ADGRV1: variants seen among roughly 807,000 people sequenced by gnomAD.
ADGRV1 encodes the protein G-protein coupled receptor 98.
Under a neutral mutation model 596.2 loss-of-function variants are expected in ADGRV1, and 359 were observed. The observed-to-expected ratio is 0.60, with a 90% CI of 0.55 to 0.66. ADGRV1 has a LOEUF of 0.66. ADGRV1 is among the 30% of genes least tolerant of loss of function. The pLI is 0.00. For missense variants in ADGRV1, 7,274 were observed against 7,575.6 expected (o/e 0.96, Z 1.48); for synonymous variants, 2,681 against 2,679.2 (o/e 1.00, Z -0.02).
intron 34 of ADGRV1, among the ~76,000 whole-genome samples, chr5:90,701,512 G>C (rs1747902486): frequency 6.6e-6 from 1 of 151,784 alleles, no homozygotes; most frequent in Non-Finnish European, 1.5e-5. Context: ...ATTTTCACTA[G>C]GCTTACAAGA....
At chr5:90,738,779 T>C (rs1383101232) in intron 50 of ADGRV1, among the ~76,000 whole-genome samples, 1 of 152,194 alleles carries the variant, frequency 6.6e-6, no homozygotes, top group Non-Finnish European at 1.5e-5. Context: ...AAACTCTTCA[T>C]TGAGTTGAAT....
chr5:90,873,281 C>T (rs1211456120), intron 83 of ADGRV1, among the ~76,000 whole-genome samples: 2 of 152,204 alleles, frequency 1.3e-5, no homozygotes, highest in Non-Finnish European at 2.9e-5. Flanking sequence ...GGAACATACA[C>T]TCTGTGTTCT....
chr5:90,936,697 A>AC (rs1775723761), intron 83 of ADGRV1, among the ~76,000 whole-genome samples: 1 of 152,090 alleles, frequency 6.6e-6, no homozygotes, highest in South Asian at 2.1e-4. Context: ...GTATCACCGT[A>AC]GCTGCTTTCC....
At chr5:90,674,467 T>G (rs940862989) in intron 23 of ADGRV1, 2 of 341,126 alleles carry the variant, frequency 5.9e-6, no homozygotes, top group Non-Finnish European at 1.0e-5. Flanking sequence ...TTTGCAGGAT[T>G]ATTTAAAATG....
intron 87 of ADGRV1, among the ~76,000 whole-genome samples, chr5:91,131,951 C>T (rs1794253032): frequency 6.6e-6 from 1 of 152,110 alleles, no homozygotes; most frequent in Non-Finnish European, 1.5e-5. Context: ...AATCTTTAAT[C>T]CACTTTGAGT....
chr5:91,090,289 C>T (rs912003203), intron 86 of ADGRV1, among the ~76,000 whole-genome samples: 6 of 152,236 alleles, frequency 3.9e-5, no homozygotes, highest in Admixed American at 1.3e-4. Context: ...ATAGTTTTTG[C>T]GAGGTCTGTG....
Position 90,587,922 on chromosome 5 carries a change from A to ATC in ADGRV1, c.23-26911_23-26910dup, listed in dbSNP as rs1376596884. ...CAAAATGTATAGTTTCAAAATATATATCTACAGTATATAAAACGTGGTTTC... is the reference window on the plus strand; with the variant it reads ...CAAAATGTATAGTTTCAAAATATATATCTCTACAGTATATAAAACGTGGTTTC... On this transcript the variant is annotated intron_variant, in intron 1 of 89. Coordinates refer to ENST00000405460, the MANE Select transcript of ADGRV1 (RefSeq NM_032119.4). Among the ~76,000 whole-genome samples the ATC allele has an allele frequency of 2.6e-5, 4 of 152,328 alleles. No individual in the cohort carries two copies. The East Asian group carries it at 7.7e-4, about 29-fold the overall frequency.
intron 53 of ADGRV1, among the ~76,000 whole-genome samples, chr5:90,752,059 T>C (rs1755323730): frequency 6.6e-6 from 1 of 152,082 alleles, no homozygotes; most frequent in Non-Finnish European, 1.5e-5. Context: ...AAGGGCCAGA[T>C]AGTAAATATT....
intron 20 of ADGRV1, among the ~76,000 whole-genome samples, chr5:90,657,529 A>C (rs914879260): frequency 6.6e-6 from 1 of 152,190 alleles, no homozygotes; most frequent in Non-Finnish European, 1.5e-5. Flanking sequence ...AAAATACCAT[A>C]GAATAAATTT....
chr5:90,647,814 A>G (rs1768015783), intron 17 of ADGRV1, 50 bp downstream of exon 17: 2 of 1,527,980 alleles, frequency 1.3e-6, no homozygotes, highest in Admixed American at 1.7e-5. Context: ...TGCTTTAATA[A>G]GATGAAATTA....
In ADGRV1 at chr5:90,895,104, AT is replaced by A. The variant is rs997096939; in HGVS notation, c.17856+31253del. Among the ~76,000 whole-genome samples, 15 of 148,920 alleles carry A rather than the reference AT, an allele frequency of 1.0e-4. No homozygotes were observed. The South Asian group carries it at 1.3e-3, about 13-fold the overall frequency. On this transcript the variant is annotated intron_variant, in intron 83 of 89. Transcript: ENST00000405460. ...CCACCATGTCTGGCTAATTTTTTTT[AT>A]TTTTTATTTTTGTAGAGATGAGGTC...
At position 91,163,882 on chromosome 5, in the gene ADGRV1, C is replaced by T. The variant is rs776454298; in HGVS notation, c.18903C>T (p.Ile6301=). ...SQIVELRRIP[I]ADTHL is the part of the protein sequence containing the mutation. ...TCGTGGAGCTCAGGAGGATACCCAT[C>T]GCCGACACTCACCTGTAGCACCTCA... The change falls in exon 90 of 90, where the codon ATC becomes ATT. Residue 6301 remains isoleucine (I), a synonymous_variant. Transcript: ENST00000405460. 66 of 1,559,780 alleles carry T rather than the reference C, an allele frequency of 4.2e-5. No individual in the cohort carries two copies. The highest frequency in any genetic ancestry group is 5.5e-5 in the Non-Finnish European group (62 of 1,133,156).
At chr5:90,808,122 A>G (rs922761836) in intron 73 of ADGRV1, among the ~76,000 whole-genome samples, 11 of 152,334 alleles carry the variant, frequency 7.2e-5, no homozygotes, top group Admixed American at 2.6e-4. Flanking sequence ...GGGTGATAAT[A>G]TTACTTATTT....
chr5:91,157,760 A>G (rs967351800), intron 89 of ADGRV1, among the ~76,000 whole-genome samples: 1 of 152,224 alleles, frequency 6.6e-6, no homozygotes, highest in African/African-American at 2.4e-5. Flanking sequence ...GTCAAAAATG[A>G]AAAAGACTCA....
intron 1 of ADGRV1, among the ~76,000 whole-genome samples, chr5:90,579,420 G>A (rs1757680685): frequency 1.3e-5 from 2 of 152,196 alleles, no homozygotes; most frequent in Non-Finnish European, 2.9e-5. Flanking sequence ...GTGGTTTTGA[G>A]TGAGTTTCTT....
chr5:91,091,062 C>A (rs765687980), intron 86 of ADGRV1, among the ~76,000 whole-genome samples: 1 of 152,160 alleles, frequency 6.6e-6, no homozygotes, highest in Non-Finnish European at 1.5e-5. Flanking sequence ...AATTTGACTT[C>A]TCAATGGCCC....
chr5:90,879,539 C>T (rs546526820), intron 83 of ADGRV1, among the ~76,000 whole-genome samples: 7 of 152,148 alleles, frequency 4.6e-5, no homozygotes, highest in African/African-American at 1.4e-4. Flanking sequence ...GAAGAATGAC[C>T]TTTTCCCATT....
At chr5:90,572,979 CAG>C (rs1756743124) in intron 1 of ADGRV1, among the ~76,000 whole-genome samples, 2 of 152,080 alleles carry the variant, frequency 1.3e-5, no homozygotes, top group Admixed American at 1.3e-4. Flanking sequence ...TTGTTAAACT[CAG>C]GATCAAGTTA....
chr5:90,828,992 G>A lies in ADGRV1; in HGVS notation c.16417G>A (p.Ala5473Thr). ...YFFVELYEATAGAAINNSARF... is the reference protein window; with the variant it reads ...YFFVELYEATTGAAINNSARF... ...TTTTGTGGAACTATATGAAGCTACT[G>A]CTGGAGCAGCAATAAACAACAGTGC... The change falls in exon 77 of 90, where the codon GCT (alanine) becomes ACT (threonine). Residue 5473 changes from alanine to threonine, a missense_variant. Coordinates refer to ENST00000405460, the MANE Select transcript of ADGRV1 (RefSeq NM_032119.4). 1 of 1,606,174 alleles carries A rather than the reference G, an allele frequency of 6.2e-7. No individual in the cohort carries two copies. The highest frequency in any genetic ancestry group is 8.5e-7 in the Non-Finnish European group (1 of 1,175,164).
Sources: allele counts gnomAD v4.1 joint callset (sites outside exome capture counted in the v4.1 genomes callset), GRCh38; gene constraint gnomAD v4.1.1; transcripts MANE v1.5; gene names NCBI Gene and HGNC (gene_info 2026-07-23, HGNC 2026-07-21).